GANAB: variants seen among roughly 807,000 people sequenced by gnomAD.
GANAB encodes glucosidase II alpha subunit, also known as neutral alpha-glucosidase AB.
Under a neutral mutation model 129.9 loss-of-function variants are expected in GANAB, and 35 were observed. The observed-to-expected ratio is 0.27, with a 90% CI of 0.21 to 0.36. The LOEUF (loss-of-function observed/expected upper bound fraction) is 0.36. Ranked by LOEUF, GANAB falls within the 10% of genes least tolerant of loss-of-function variation. GANAB has a pLI of 1.00. For synonymous variants in GANAB, 482 were observed against 451.8 expected (o/e 1.07, Z -0.85); for missense variants, 939 against 1,221.0 (o/e 0.77, Z 3.44).
At chr11:62,644,241 G>A (rs997938690) in intron 1 of GANAB, among the ~76,000 whole-genome samples, 3 of 152,108 alleles carry the variant, frequency 2.0e-5, no homozygotes, top group Admixed American at 6.6e-5. Context: ...ATCGTGCCCG[G>A]CTGACACCAC....
In GANAB at chr11:62,624,926, C is replaced by T. The variant is rs1049774303; in HGVS notation, c.*889G>A. 4.2e-6 allele frequency: 1 copy of T among 238,172 alleles called. No homozygotes were observed. The highest frequency in any genetic ancestry group is 2.4e-5 in the African/African-American group (1 of 41,932). The allele number at this position is 238,172 out of a possible 1,614,324, so 14.8% of individuals were successfully genotyped here. ...AAAAATACCCACAAATATTCCCCGA[C>T]TCCCCATTAGTCCTCCCCCAACCCC... On this transcript the variant is annotated 3_prime_UTR_variant, in exon 24 of 24. Coordinates refer to ENST00000356638, the MANE Select transcript of GANAB (RefSeq NM_198334.3).
rs770052844 is a variant in GANAB at position 62,626,553 on chromosome 11, C to T, written c.2511+18G>A. On this transcript the variant is annotated intron_variant, in intron 21 of 23. Coordinates refer to ENST00000356638, the MANE Select transcript of GANAB (RefSeq NM_198334.3). ...AGGCAGGCAAATGGCTGAGGAGACT[C>T]GCTGCCTATGCACTTACCTGAGGGC... 1 of 1,544,714 alleles carries T rather than the reference C, an allele frequency of 6.5e-7. No individual in the cohort carries two copies. The highest frequency in any genetic ancestry group is 9.0e-7 in the Non-Finnish European group (1 of 1,117,034).
At chr11:62,634,565 G>A (rs1943848305) in intron 5 of GANAB, 4 of 619,944 alleles carry the variant, frequency 6.5e-6, no homozygotes, top group East Asian at 5.4e-5. Flanking sequence ...GGGGAAGAAG[G>A]AGACACAGAC....
chr11:62,633,621 G>A, intron 5 of GANAB, 107 bp from the exon 6 acceptor site: 2 of 953,414 alleles, frequency 2.1e-6, no homozygotes, highest in Admixed American at 3.7e-5. Context: ...AGGAACGAAG[G>A]CATTGGAGGA....
intron 1 of GANAB, among the ~76,000 whole-genome samples, chr11:62,642,226 A>G (rs1047582528): frequency 6.6e-6 from 1 of 151,624 alleles, no homozygotes; most frequent in Non-Finnish European, 1.5e-5. Flanking sequence ...ATAAATAAAA[A>G]TTTTTTTTGG....
intron 15 of GANAB, 76 bp from the exon 16 acceptor site, chr11:62,629,371 C>T (rs962013939): frequency 9.6e-6 from 10 of 1,043,808 alleles, no homozygotes; most frequent in East Asian, 2.4e-5. Context: ...CTCCCACATC[C>T]GCTCTGGGTC....
intron 15 of GANAB, 24 bp from the exon 16 acceptor site, chr11:62,629,319 G>A: frequency 1.3e-6 from 2 of 1,496,804 alleles, no homozygotes; most frequent in Non-Finnish European, 1.9e-6. Context: ...GAAGTGGGGA[G>A]CTTGCACATG....
intron 1 of GANAB, chr11:62,640,043 G>C: frequency 4.1e-6 from 1 of 246,902 alleles, no homozygotes; most frequent in South Asian, 5.6e-5. Flanking sequence ...AGACCATCCT[G>C]GCTAACACGG....
Position 62,639,443 on chromosome 11 carries a change from G to A in GANAB, c.168C>T (p.Gly56=). The stretch of plus-strand genomic sequence containing the variant: ...CCAGCAAGGCTCGGTATGGAGAGAG[G>A]CCTGGCCGTATGCTTCTCTGTCGCC... ...FCKRQRSIRP[G]LSPYRALLDS... Residue 56 remains glycine (G), a synonymous_variant, in exon 3 of 24, where the codon GGC becomes GGT. Transcript: ENST00000356638. 6.2e-7 allele frequency: 1 copy of A among 1,613,620 alleles called. No individual in the cohort carries two copies. Among genetic ancestry groups the A allele is most frequent in the Non-Finnish European group, 8.5e-7 (1 of 1,179,568 alleles).
chr11:62,633,226 A>G lies in GANAB; in HGVS notation c.676T>C (p.Trp226Arg). ...GKAEKDEPGAWEETFKTHSDS... is the reference protein window; with the variant it reads ...GKAEKDEPGAREETFKTHSDS... ...GAGTGAGTTTTGAATGTCTCCTCCC[A>G]GGCTCCTGGCTCATCTTTCTCTGCC... The change falls in exon 7 of 24, where the codon TGG (tryptophan) becomes CGG (arginine). Residue 226 changes from tryptophan to arginine, a missense_variant. Around this residue, in one of 5 missense-constraint regions of GANAB, gnomAD observed 321 missense variants for 329.1 expected, o/e 0.98. Transcript: ENST00000356638. 1 of 1,614,080 alleles carries G rather than the reference A, an allele frequency of 6.2e-7. No individual in the cohort carries two copies. Among genetic ancestry groups the G allele is most frequent in the Non-Finnish European group, 8.5e-7 (1 of 1,179,990 alleles).
rs1013427960 is a variant in GANAB, at chr11:62,631,101, C to G, written c.1079G>C (p.Gly360Ala). The G allele has an allele frequency of 6.2e-7, 1 of 1,611,690 alleles. No individual in the cohort carries two copies. The highest frequency in any genetic ancestry group is 1.7e-5 in the Admixed American group (1 of 59,992). The change falls in exon 10 of 24, where the codon GGC becomes GCC. Residue 360 changes from glycine (G) to alanine (A), a missense_variant. Physicochemically the swap from Gly to Ala is moderately conservative, Grantham distance 60. This residue lies in a region of GANAB where 220 missense variants were observed against 295.9 expected (regional missense o/e 0.74). Transcript: ENST00000356638. ...CAGCAGCAGGAAGACGTCAATGATG[C>G]CAGTCTCTGACATCCAGCGAACATC... The part of the protein sequence containing the change: ...QTDVRWMSET[G>A]IIDVFLLLGP...
intron 17 of GANAB, 107 bp downstream of exon 17, chr11:62,628,662 C>A: frequency 1.7e-6 from 2 of 1,157,132 alleles, no homozygotes; most frequent in Non-Finnish European, 2.5e-6. Flanking sequence ...ATTTTCCATC[C>A]TTTACAAGGC....
rs1422904469 is a variant in GANAB at position 62,628,822 on chromosome 11, G to C, written c.2127C>G (p.Pro709=). 1 of 1,614,036 alleles carries C rather than the reference G, an allele frequency of 6.2e-7. No homozygotes were observed. Among genetic ancestry groups the C allele is most frequent in the East Asian group, 2.2e-5 (1 of 44,852 alleles). ...DALGQRYSLL[P]FWYTLLYQAH... The stretch of plus-strand genomic sequence containing the variant: ...CCTGATATAAGAGGGTGTACCAGAA[G>C]GGCAGCAAAGAATATCGCTGGCCCA... Residue 709 remains proline (P), a synonymous_variant, in exon 17 of 24, where the codon CCC becomes CCG. Transcript: ENST00000356638.
At chr11:62,633,797 T>G (rs1943806012) in intron 5 of GANAB, 6 of 525,542 alleles carry the variant, frequency 1.1e-5, no homozygotes, top group Non-Finnish European at 1.7e-5. Context: ...GCAGAATGAT[T>G]CAGGGGCCTG....
Position 62,637,547 on chromosome 11 carries a change from A to G in GANAB, c.380+1436T>C, listed in dbSNP as rs146958979. Among the ~76,000 whole-genome samples the G allele has an allele frequency of 6.6e-5, 10 of 152,352 alleles. No individual in the cohort carries two copies. The East Asian group carries it at 1.9e-3, about 29-fold the overall frequency. ...TACACCAAAGAGAAACTCCCAAGCA[A>G]GGATAACAGGAGACATGTACAAGAA... On this transcript the variant is annotated intron_variant, in intron 4 of 23. Coordinates refer to ENST00000356638, the MANE Select transcript of GANAB (RefSeq NM_198334.3).
intron 5 of GANAB, chr11:62,634,286 C>A: frequency 6.7e-7 from 1 of 1,491,514 alleles, no homozygotes; most frequent in East Asian, 2.3e-5. Context: ...GGAACAGATA[C>A]AGTACCGGTG....
chr11:62,626,533 G>C (rs367875382), intron 21 of GANAB, 38 bp downstream of exon 21: 1 of 1,520,814 alleles, frequency 6.6e-7, no homozygotes, highest in Non-Finnish European at 9.1e-7. Context: ...TAGGAAGGCA[G>C]GCAAATGGCT....
In GANAB at chr11:62,625,754, AAG is replaced by A; in HGVS notation, c.*59_*60del. On this transcript the variant is annotated 3_prime_UTR_variant, in exon 24 of 24. Coordinates refer to ENST00000356638, the MANE Select transcript of GANAB (RefSeq NM_198334.3). ...GAGGGCCGAACTCCAAGGCAGAAGA[AAG>A]AATATCTCTCAGCACTAATGCTCCC... The A allele has an allele frequency of 9.4e-7, 1 of 1,065,238 alleles. No homozygotes were observed. Among genetic ancestry groups the A allele is most frequent in the Non-Finnish European group, 1.5e-6 (1 of 684,954 alleles). The allele number at this position is 1,065,238 out of a possible 1,614,324, so 66.0% of individuals were successfully genotyped here.
chr11:62,628,130 T>C (rs760977670), intron 17 of GANAB, among the ~76,000 whole-genome samples: 6 of 151,954 alleles, frequency 3.9e-5, no homozygotes, highest in Non-Finnish European at 8.8e-5. Context: ...TTCCCTCTGC[T>C]TGGAAGATTC....
Sources: allele counts gnomAD v4.1 joint callset (sites outside exome capture counted in the v4.1 genomes callset), GRCh38; gene constraint gnomAD v4.1.1; regional missense constraint gnomAD v4.1.1; transcripts MANE v1.5; gene names NCBI Gene and HGNC (gene_info 2026-07-23, HGNC 2026-07-21).